The following POU6F1 variants were observed in gnomAD, a reference collection of about 807,000 sequenced individuals.
POU6F1 encodes POU class 6 homeobox 1, also known as POU domain, class 6, transcription factor 1.
Under a neutral mutation model 28.9 loss-of-function variants are expected in POU6F1, and 9 were observed. That is an observed-to-expected ratio of 0.31 (90% confidence interval 0.19 to 0.54). The LOEUF (loss-of-function observed/expected upper bound fraction) is 0.54, where lower values mean the gene tolerates loss of function less well. Among genes scored for constraint, POU6F1 ranks in the 20% least tolerant of loss-of-function variants. The probability of loss-of-function intolerance (pLI) is 0.94; values close to 1 mark genes in which losing one functional copy is unlikely to be tolerated. For missense variants in POU6F1, 338 were observed against 426.1 expected (o/e 0.79, Z 1.82); for synonymous variants, 173 against 171.1 (o/e 1.01, Z -0.09).
intron 6 of POU6F1, among the ~76,000 whole-genome samples, chr12:51,197,512 C>T (rs1234966212): frequency 6.6e-6 from 1 of 152,224 alleles, no homozygotes; most frequent in Non-Finnish European, 1.5e-5. Flanking sequence ...CGTCATCCCA[C>T]CCTCCAAGCC....
intron 9 of POU6F1, 49 bp from the exon 10 acceptor site, chr12:51,191,813 C>T (rs1479161043): frequency 1.2e-6 from 2 of 1,604,476 alleles, no homozygotes; most frequent in South Asian, 2.2e-5. Context: ...TGGGAACCAT[C>T]CCTGCTTATC....
rs1942139361 is a variant in POU6F1 at position 51,188,018 on chromosome 12, C to T, written c.*2229G>A. On this transcript the variant is annotated 3_prime_UTR_variant, in exon 11 of 11. Transcript: ENST00000333640. ...GTGTGATCTCAGCTCATTGCAACCT[C>T]CAGGGTTCAAGCAATTCTCCTGCCT... 2 of 152,234 alleles carry T rather than the reference C, an allele frequency of 1.3e-5. No homozygotes were observed. Among genetic ancestry groups the T allele is most frequent in the Admixed American group, 1.3e-4 (2 of 15,278 alleles). 9.4% of individuals were successfully genotyped at this position (152,234 alleles called of 1,614,324 possible). A position where few individuals can be genotyped will look rare whatever the true frequency, so the allele number is the denominator to read the frequency against.
Position 51,190,663 on chromosome 12 carries a change from G to A in POU6F1, c.1491-71C>T, listed in dbSNP as rs553851910. 6.4e-6 allele frequency: 10 copies of A among 1,556,620 alleles called. No homozygotes were observed. The Admixed American group carries it at 1.5e-4, about 23-fold the overall frequency. On this transcript the variant is annotated intron_variant, in intron 10 of 10. Transcript: ENST00000333640. The surrounding 1 kb of genome is among the most constrained non-coding windows in gnomAD (Gnocchi z 4.5). ...TCTCTTTGGCACACCCCGCACCTAG[G>A]TGCAGGCTCCATCCTCAAGGGGCCG...
chr12:51,191,869 C>T, intron 9 of POU6F1, 105 bp from the exon 10 acceptor site: 5 of 1,402,296 alleles, frequency 3.6e-6, no homozygotes, highest in Non-Finnish European at 5.0e-6. Flanking sequence ...GTGAGGACAC[C>T]TGGGAAAAGG....
At chr12:51,194,066 GCC>G in intron 8 of POU6F1, among the ~76,000 whole-genome samples, 1 of 151,836 alleles carries the variant, frequency 6.6e-6, no homozygotes, top group Non-Finnish European at 1.5e-5. Flanking sequence ...TCACTTTGTT[GCC>G]CAGGCTGGAG....
At chr12:51,198,928 AC>A (rs1209385624) in intron 4 of POU6F1, among the ~76,000 whole-genome samples, 153 bp from the exon 5 acceptor site, 3 of 152,210 alleles carry the variant, frequency 2.0e-5, no homozygotes, top group Non-Finnish European at 2.9e-5. Context: ...GAAGAGCCAA[AC>A]CCTAGCTGGA....
chr12:51,214,687 C>T (rs1288496184), intron 1 of POU6F1, among the ~76,000 whole-genome samples: 3 of 152,264 alleles, frequency 2.0e-5, no homozygotes, highest in East Asian at 3.9e-4. Flanking sequence ...CCTGTAATCC[C>T]AGCACTTTGG....
intron 2 of POU6F1, among the ~76,000 whole-genome samples, chr12:51,205,164 C>A (rs572834003): frequency 3.2e-4 from 48 of 151,844 alleles, no homozygotes; most frequent in South Asian, 2.3e-3. Context: ...CTCAGCCTCC[C>A]GAGTAGCTGG....
chr12:51,194,654 A>G, intron 8 of POU6F1, among the ~76,000 whole-genome samples: 1 of 150,906 alleles, frequency 6.6e-6, no homozygotes, highest in Non-Finnish European at 1.5e-5. Context: ...AAAAAAAAAA[A>G]AAAAGCTCAT....
chr12:51,212,301 C>T (rs1056836826), intron 1 of POU6F1, among the ~76,000 whole-genome samples: 1 of 151,288 alleles, frequency 6.6e-6, no homozygotes, highest in African/African-American at 2.4e-5. Flanking sequence ...ACCATGTTGG[C>T]CAGGCTGGTC....
intron 1 of POU6F1, among the ~76,000 whole-genome samples, chr12:51,216,385 C>T (rs892991356): frequency 1.3e-5 from 2 of 152,186 alleles, no homozygotes; most frequent in African/African-American, 4.8e-5. Context: ...TACACACACA[C>T]TGACACACAA....
chr12:51,212,793 A>AG (rs1944081081), intron 1 of POU6F1, among the ~76,000 whole-genome samples: 1 of 150,912 alleles, frequency 6.6e-6, no homozygotes, highest in Non-Finnish European at 1.5e-5. Flanking sequence ...AAAAAAAAAA[A>AG]AAAAAAAAGA....
chr12:51,196,257 A>G, intron 7 of POU6F1, 84 bp from the exon 8 acceptor site: 1 of 1,190,088 alleles, frequency 8.4e-7, no homozygotes, highest in South Asian at 1.7e-5. Flanking sequence ...CCACCAGGGG[A>G]ACAGACTAAT....
intron 5 of POU6F1, chr12:51,198,301 G>A (rs1454346171): frequency 5.0e-6 from 2 of 396,470 alleles, no homozygotes; most frequent in Non-Finnish European, 8.9e-6. Flanking sequence ...TTCTGGCGTG[G>A]GGGGAGAGGG....
chr12:51,196,604 G>A (rs1000503717), intron 7 of POU6F1, among the ~76,000 whole-genome samples, 195 bp downstream of exon 7: 1 of 152,238 alleles, frequency 6.6e-6, no homozygotes, highest in African/African-American at 2.4e-5. Context: ...CACGTAATGT[G>A]AGCACCTCCA....
chr12:51,192,924 A>C (rs1942536865), intron 8 of POU6F1, among the ~76,000 whole-genome samples: 1 of 151,802 alleles, frequency 6.6e-6, no homozygotes, highest in African/African-American at 2.4e-5. Context: ...AAAAAGCAAG[A>C]CTAAGAAACA....
intron 3 of POU6F1, among the ~76,000 whole-genome samples, chr12:51,201,159 G>T (rs1004006966): frequency 6.6e-6 from 1 of 152,100 alleles, no homozygotes; most frequent in Non-Finnish European, 1.5e-5. Flanking sequence ...TCAGATAACC[G>T]CAAAGGTTCT....
intron 1 of POU6F1, among the ~76,000 whole-genome samples, chr12:51,214,521 G>A (rs981448120): frequency 2.0e-5 from 3 of 152,116 alleles, no homozygotes; most frequent in Admixed American, 6.6e-5. Flanking sequence ...GCTCCACACC[G>A]ACGCCTGTCC....
Position 51,192,416 on chromosome 12 carries a change from C to T in POU6F1, c.1235G>A (p.Ser412Asn). 1.9e-6 allele frequency: 3 copies of T among 1,614,054 alleles called. No individual in the cohort carries two copies. The highest frequency in any genetic ancestry group is 2.5e-6 in the Non-Finnish European group (3 of 1,180,020). Residue 412 changes from serine (S) to asparagine (N), a missense_variant, in exon 9 of 11, where the codon AGC becomes AAC. This residue lies in a region of POU6F1 where 206 missense variants were observed against 225.6 expected (regional missense o/e 0.91). Transcript: ENST00000333640. The stretch of plus-strand genomic sequence containing the variant: ...AGATGGCTTGGCGGCTGGAGCTGGG[C>T]TGGCAATGACCACAGCAGGCTGGGG... ...TVPQPAVVIA[S>N]PAPAAKPSAS...
Sources: gnomAD v4.1 joint callset for allele counts (sites outside exome capture counted in the v4.1 genomes callset) on GRCh38, gnomAD v4.1.1 for gene constraint, gnomAD v4.1.1 regional missense constraint, Gnocchi (gnomAD v3.1) non-coding constraint, MANE v1.5 for transcripts, NCBI Gene and HGNC (gene_info 2026-07-23, HGNC 2026-07-21) for gene names.